The following STIM2 variants were observed in gnomAD, a reference collection of about 807,000 sequenced individuals.
STIM2 encodes stromal interaction molecule 2.
In STIM2, 31 loss-of-function variants were observed where a neutral mutation model predicts 85.8. That is an observed-to-expected ratio of 0.36 (90% CI 0.27 to 0.49). STIM2 has a LOEUF of 0.49. Among genes scored for constraint, STIM2 ranks in the 20% least tolerant of loss-of-function variants. The pLI, the probability that STIM2 is intolerant of heterozygous loss-of-function variation, is 0.98. For synonymous variants in STIM2, 356 were observed against 331.1 expected (o/e 1.08, Z -0.82); for missense variants, 841 against 927.6 (o/e 0.91, Z 1.21).
chr4:26,928,672 G>C (rs907527292), intron 2 of STIM2, among the ~76,000 whole-genome samples: 6 of 152,150 alleles, frequency 3.9e-5, no homozygotes, highest in Non-Finnish European at 7.4e-5. Flanking sequence ...GCGTTTATCA[G>C]ATATTAAATG....
At chr4:26,947,804 A>G (rs1345468125) in intron 2 of STIM2, among the ~76,000 whole-genome samples, 4 of 152,156 alleles carry the variant, frequency 2.6e-5, no homozygotes, top group Admixed American at 6.5e-5. Flanking sequence ...TACTTTGCAC[A>G]CATGAAAAAA....
chr4:26,987,349 G>A (rs543262034), intron 3 of STIM2, among the ~76,000 whole-genome samples: 5 of 152,296 alleles, frequency 3.3e-5, no homozygotes, highest in African/African-American at 1.2e-4. Context: ...AAGGGAAACT[G>A]GGTGCAGAAT....
At chr4:26,946,629 C>T (rs1256873707) in intron 2 of STIM2, among the ~76,000 whole-genome samples, 1 of 152,214 alleles carries the variant, frequency 6.6e-6, no homozygotes, top group African/African-American at 2.4e-5. Context: ...TCTGTGCACT[C>T]TTTTTTTCTG....
chr4:26,950,682 T>C (rs1577457843), intron 2 of STIM2, among the ~76,000 whole-genome samples: 2 of 152,334 alleles, frequency 1.3e-5, no homozygotes, highest in East Asian at 1.9e-4. Context: ...TTATGTTCTT[T>C]ATAAATAATC....
chr4:26,877,902 T>C (rs1393504169), intron 1 of STIM2, among the ~76,000 whole-genome samples: 3 of 152,172 alleles, frequency 2.0e-5, no homozygotes, highest in East Asian at 1.9e-4. Context: ...AATGTTGTTA[T>C]AAAATATAGG....
chr4:26,861,242 A>G lies in STIM2; in HGVS notation c.24A>G (p.Val8=). The change falls in exon 1 of 12, where the codon GTA becomes GTG. Residue 8 remains valine, a synonymous_variant. Coordinates refer to ENST00000467087, the MANE Select transcript of STIM2 (RefSeq NM_020860.4). ...CGTTGCTGGTGCTCGGGCTGCTGGT[A>G]GCCGGAGCGGCGGACGGATGCGAGC... 1 of 1,493,224 alleles carries G rather than the reference A, an allele frequency of 6.7e-7. No individual in the cohort carries two copies. The highest frequency in any genetic ancestry group is 8.9e-7 in the Non-Finnish European group (1 of 1,128,666). The allele number at this position is 1,493,224 out of a possible 1,614,324, so 92.5% of individuals were successfully genotyped here. A position where few individuals can be genotyped will look rare whatever the true frequency, so the allele number is the denominator to read the frequency against.
chr4:26,861,728 G>GAA (rs1722210009), intron 1 of STIM2: 1 of 151,304 alleles, frequency 6.6e-6, no homozygotes, highest in South Asian at 2.2e-4. Context: ...GAGGCTGCTA[G>GAA]AAAAAGTCAG....
intron 1 of STIM2, among the ~76,000 whole-genome samples, chr4:26,914,005 A>AG (rs1724441278): frequency 6.6e-6 from 1 of 152,238 alleles, no homozygotes; most frequent in Non-Finnish European, 1.5e-5. Context: ...GCCTCTGAGG[A>AG]GGATCATTTA....
intron 2 of STIM2, among the ~76,000 whole-genome samples, chr4:26,921,861 C>T (rs1042119791): frequency 7.2e-5 from 11 of 152,166 alleles, no homozygotes; most frequent in Admixed American, 4.6e-4. Context: ...TATAATATCT[C>T]TGCATCAGTT....
At chr4:26,975,238 C>T (rs1192650029) in intron 3 of STIM2, among the ~76,000 whole-genome samples, 1 of 152,204 alleles carries the variant, frequency 6.6e-6, no homozygotes, top group Non-Finnish European at 1.5e-5. Context: ...AAGCCTACTT[C>T]TGTCAACTTG....
rs902861778 is a variant in STIM2 at position 26,923,040 on chromosome 4, G to C, written c.282+3406G>C. Among the ~76,000 whole-genome samples, 14 of 151,770 alleles carry C rather than the reference G, an allele frequency of 9.2e-5. No homozygotes were observed. The South Asian group carries it at 2.5e-3, about 27-fold the overall frequency. ...GCAGCTGGAGATCTGAGAACGGGCA[G>C]ACTGCCTCCTCAAGTGGGTCCCTGA... On this transcript the variant is annotated intron_variant, in intron 2 of 11. Coordinates refer to ENST00000467087, the MANE Select transcript of STIM2 (RefSeq NM_020860.4).
At chr4:27,022,272 CTTATATTGTCTGTAG>C (rs1728939355) in intron 11 of STIM2, among the ~76,000 whole-genome samples, 1 of 151,948 alleles carries the variant, frequency 6.6e-6, no homozygotes, top group Non-Finnish European at 1.5e-5. Context: ...GGAGGTGTAC[CTTATATTGTCTGTAG>C]TTTGTAAGAT....
intron 2 of STIM2, among the ~76,000 whole-genome samples, chr4:26,931,862 G>A (rs1725217980): frequency 6.6e-6 from 1 of 152,154 alleles, no homozygotes; most frequent in African/African-American, 2.4e-5. Context: ...ATGGCAATCA[G>A]CACACAATTA....
At chr4:26,876,042 A>G (rs1426981122) in intron 1 of STIM2, among the ~76,000 whole-genome samples, 2 of 152,142 alleles carry the variant, frequency 1.3e-5, no homozygotes, top group East Asian at 3.8e-4. Context: ...GTGGCTCAGT[A>G]TCCAGTCCAT....
chr4:26,995,256 G>T, intron 3 of STIM2, 123 bp from the exon 4 acceptor site: 1 of 506,484 alleles, frequency 2.0e-6, no homozygotes, highest in Non-Finnish European at 3.5e-6. Context: ...ATACAGTTTT[G>T]GTACTTAATG....
In STIM2 at chr4:27,025,293, T is replaced by C. The variant is rs1429554405; in HGVS notation, c.*2297T>C. 1 of 152,136 alleles carries C rather than the reference T, an allele frequency of 6.6e-6. No homozygotes were observed. The highest frequency in any genetic ancestry group is 2.4e-5 in the African/African-American group (1 of 41,442). 9.4% of individuals were successfully genotyped at this position (152,136 alleles called of 1,614,324 possible). ...TTATATGTGAAAAGTTGGACATTTC[T>C]GTAAGTTTTTAAAATTATCCATTTG... On this transcript the variant is annotated 3_prime_UTR_variant, in exon 12 of 12. Coordinates refer to ENST00000467087, the MANE Select transcript of STIM2 (RefSeq NM_020860.4).
intron 3 of STIM2, among the ~76,000 whole-genome samples, chr4:26,970,818 A>G (rs1352578255): frequency 2.0e-5 from 3 of 152,188 alleles, no homozygotes; most frequent in Non-Finnish European, 4.4e-5. Flanking sequence ...GAATCACCAC[A>G]CTGTCTTCCA....
chr4:26,895,367 A>T (rs1311888043), intron 1 of STIM2, among the ~76,000 whole-genome samples: 1 of 152,048 alleles, frequency 6.6e-6, no homozygotes, highest in African/African-American at 2.4e-5. Flanking sequence ...GTACTCTTTG[A>T]TTCAAAACAT....
At chr4:26,946,028 A>G (rs773685278) in intron 2 of STIM2, among the ~76,000 whole-genome samples, 1 of 152,188 alleles carries the variant, frequency 6.6e-6, no homozygotes, top group Non-Finnish European at 1.5e-5. Flanking sequence ...ACATGCAAAA[A>G]TCATTATTTT....
Sources: allele counts gnomAD v4.1 joint callset (sites outside exome capture counted in the v4.1 genomes callset), GRCh38; gene constraint gnomAD v4.1.1; transcripts MANE v1.5; gene names NCBI Gene and HGNC (gene_info 2026-07-23, HGNC 2026-07-21).